Variants in GPC6 observed in about 807,000 individuals in gnomAD.
The protein encoded by GPC6 is glypican-6.
A neutral mutation model predicts 55.2 loss-of-function variants in GPC6; 14 were observed. That is an observed-to-expected ratio of 0.25 (90% CI 0.17 to 0.40). The LOEUF (loss-of-function observed/expected upper bound fraction) is 0.40, where lower values mean the gene tolerates loss of function less well. GPC6 is among the 10% of genes least tolerant of loss of function. The pLI is 1.00. For synonymous variants in GPC6, 278 were observed against 259.6 expected (o/e 1.07, Z -0.68); for missense variants, 641 against 708.5 (o/e 0.90, Z 1.08).
chr13:93,775,452 T>C (rs1885436992), intron 2 of GPC6, among the ~76,000 whole-genome samples: 1 of 152,204 alleles, frequency 6.6e-6, no homozygotes, highest in Non-Finnish European at 1.5e-5. Flanking sequence ...TCTAAAGCAT[T>C]CCCCTCAAGC....
intron 3 of GPC6, among the ~76,000 whole-genome samples, chr13:93,947,649 C>G (rs1350333972): frequency 6.6e-6 from 1 of 152,042 alleles, no homozygotes; most frequent in Non-Finnish European, 1.5e-5. Context: ...TTAATAAATA[C>G]AATCAAAGAC....
intron 3 of GPC6, among the ~76,000 whole-genome samples, chr13:93,962,661 A>G (rs1879838856): frequency 6.6e-6 from 1 of 152,188 alleles, no homozygotes; most frequent in Admixed American, 6.5e-5. Context: ...TGAAATTTGA[A>G]TCCAGGTGGT....
chr13:93,804,441 G>A (rs1262811795), intron 2 of GPC6, among the ~76,000 whole-genome samples: 2 of 152,136 alleles, frequency 1.3e-5, no homozygotes, highest in Admixed American at 1.3e-4. Flanking sequence ...TTCATTTCAA[G>A]ATCCAGACAA....
At chr13:93,806,654 C>T (rs7337988) in intron 2 of GPC6, among the ~76,000 whole-genome samples, 101,257 of 152,114 alleles carry the variant, frequency 0.67, 34,335 homozygotes, top group East Asian at 0.81. Context: ...TGGCACAGTT[C>T]TAGATTGAGG....
intron 4 of GPC6, among the ~76,000 whole-genome samples, chr13:94,141,216 T>G (rs1437061358): frequency 1.3e-5 from 2 of 152,022 alleles, no homozygotes; most frequent in Non-Finnish European, 2.9e-5. Flanking sequence ...CCCAAAAAGG[T>G]AGGATATCTT....
chr13:93,383,410 T>C (rs1238950356), intron 1 of GPC6, among the ~76,000 whole-genome samples: 1 of 151,842 alleles, frequency 6.6e-6, no homozygotes, highest in Admixed American at 6.6e-5. Context: ...AGAGAGGGAG[T>C]CTCGCCATGT....
intron 4 of GPC6, among the ~76,000 whole-genome samples, chr13:94,251,713 C>CAAAAAAAAAAAA (rs61543462): frequency 7.6e-6 from 1 of 131,144 alleles, no homozygotes; most frequent in Non-Finnish European, 1.7e-5. Context: ...AGCTAAAAGG[C>CAAAAAAAAAAAA]AAAAAAAAAA....
intron 4 of GPC6, among the ~76,000 whole-genome samples, chr13:94,227,505 A>T (rs1207862603): frequency 6.6e-6 from 1 of 152,236 alleles, no homozygotes; most frequent in Non-Finnish European, 1.5e-5. Context: ...TAAATTGCAC[A>T]AAGTTGCCAT....
At position 93,689,487 on chromosome 13, in the gene GPC6, G is replaced by T. The variant is rs80012883; in HGVS notation, c.320-140667G>T. Among the ~76,000 whole-genome samples, 1,231 of 152,126 alleles carry T rather than the reference G, an allele frequency of 8.1e-3. 9 individuals are homozygous for T. Among genetic ancestry groups the T allele is most frequent in the Non-Finnish European group, 0.013 (866 of 67,964 alleles). ...GATTAATAGGAGATTAGGAGAGAAG[G>T]CACACAGACTCAGACTTGAGAAATG... On this transcript the variant is annotated intron_variant, in intron 2 of 8. Coordinates refer to ENST00000377047, the MANE Select transcript of GPC6 (RefSeq NM_005708.5).
At chr13:93,536,820 T>G (rs1196372923) in intron 1 of GPC6, among the ~76,000 whole-genome samples, 1 of 152,214 alleles carries the variant, frequency 6.6e-6, no homozygotes, top group Non-Finnish European at 1.5e-5. Flanking sequence ...GATTCCTGTT[T>G]GAAGTACTGT....
intron 2 of GPC6, among the ~76,000 whole-genome samples, chr13:93,676,341 C>A (rs1303592560): frequency 1.3e-5 from 2 of 151,040 alleles, no homozygotes; most frequent in Non-Finnish European, 2.9e-5. Context: ...CTCTTGAACC[C>A]GGGTAGCAGA....
intron 2 of GPC6, among the ~76,000 whole-genome samples, chr13:93,708,239 T>C (rs1882925758): frequency 6.6e-6 from 1 of 151,820 alleles, no homozygotes; most frequent in Non-Finnish European, 1.5e-5. Flanking sequence ...CACATAGTAC[T>C]CAACAGGAAA....
rs890492899 is a variant in GPC6 at position 93,895,486 on chromosome 13, G to A, written c.711+64941G>A. 3.3e-5 allele frequency among the ~76,000 whole-genome samples: 5 copies of A among 151,598 alleles called. No individual in the cohort carries two copies. In the South Asian group the frequency reaches 1.0e-3, roughly 32 times the overall value. On this transcript the variant is annotated intron_variant, in intron 3 of 8. Coordinates refer to ENST00000377047, the MANE Select transcript of GPC6 (RefSeq NM_005708.5). ...TAAATTAAATGGAAGCCTTGCTTGG[G>A]AATTGATTCAAGTAAAAAGAAGCAA...
rs556113933 is a variant in GPC6, at chr13:93,681,768, G to A, written c.319+136347G>A. On this transcript the variant is annotated intron_variant, in intron 2 of 8. Transcript: ENST00000377047. ...GACTTATTGGAAATTTCAGAGAAATGTCTAAATTTTCTCGAACTTTAACTC... is the reference window on the plus strand; with the variant it reads ...GACTTATTGGAAATTTCAGAGAAATATCTAAATTTTCTCGAACTTTAACTC... Among the ~76,000 whole-genome samples, 64 of 152,268 alleles carry A rather than the reference G, an allele frequency of 4.2e-4. 1 individual carries two copies. The highest frequency in any genetic ancestry group is 1.4e-3 in the African/African-American group (60 of 41,562).
At chr13:93,537,713 A>G (rs1168845428) in intron 1 of GPC6, among the ~76,000 whole-genome samples, 1 of 152,160 alleles carries the variant, frequency 6.6e-6, no homozygotes, top group East Asian at 1.9e-4. Context: ...TCTGAGCTAA[A>G]CCTTTTCCCT....
intron 3 of GPC6, among the ~76,000 whole-genome samples, chr13:93,853,055 G>A (rs936997807): frequency 3.3e-5 from 5 of 151,726 alleles, no homozygotes; most frequent in Non-Finnish European, 7.4e-5. Context: ...CAGAAGAAAT[G>A]TGATGAACAT....
chr13:93,440,775 A>T (rs538142256), intron 1 of GPC6, among the ~76,000 whole-genome samples: 4 of 152,042 alleles, frequency 2.6e-5, no homozygotes, highest in African/African-American at 9.7e-5. Flanking sequence ...TACATGTGCA[A>T]TGTTGGCGTG....
intron 4 of GPC6, among the ~76,000 whole-genome samples, chr13:94,112,699 G>T (rs1886293632): frequency 6.6e-6 from 1 of 152,000 alleles, no homozygotes; most frequent in African/African-American, 2.4e-5. Flanking sequence ...AGTATGACTG[G>T]CACATCTTTT....
At chr13:93,524,870 T>C (rs922382498) in intron 1 of GPC6, among the ~76,000 whole-genome samples, 2 of 152,086 alleles carry the variant, frequency 1.3e-5, no homozygotes, top group African/African-American at 4.8e-5. Context: ...TACCTCGCCA[T>C]GTGTTGCTGC....
Sources: allele counts gnomAD v4.1 joint callset (sites outside exome capture counted in the v4.1 genomes callset), GRCh38; gene constraint gnomAD v4.1.1; transcripts MANE v1.5; gene names NCBI Gene and HGNC (gene_info 2026-07-23, HGNC 2026-07-21).